Variants in MAPK8 observed in about 807,000 individuals in gnomAD.
MAPK8 encodes JUN N-terminal kinase.
A neutral mutation model predicts 52.9 loss-of-function variants in MAPK8; 13 were observed. The ratio of observed to expected loss-of-function variants is 0.25; its 90% confidence interval spans 0.16 to 0.39. MAPK8 has a LOEUF of 0.39. MAPK8 is among the 10% of genes least tolerant of loss of function. The pLI, the probability that MAPK8 is intolerant of heterozygous loss-of-function variation, is 1.00. For synonymous variants in MAPK8, 191 were observed against 169.8 expected, an observed-to-expected ratio of 1.12 and a Z score of -0.97; for missense variants, 300 against 519.2, an observed-to-expected ratio of 0.58 and a Z score of 4.10.
intron 1 of MAPK8, among the ~76,000 whole-genome samples, chr10:48,388,706 TGA>T (rs2041458999): frequency 6.6e-6 from 1 of 152,180 alleles, no homozygotes; most frequent in African/African-American, 2.4e-5. Context: ...TATGCCCAGG[TGA>T]GAATGGGAGT....
At chr10:48,310,185 C>CT (rs1841835402) in intron 1 of MAPK8, among the ~76,000 whole-genome samples, 11 of 152,168 alleles carry the variant, frequency 7.2e-5, no homozygotes, top group Admixed American at 7.2e-4. Flanking sequence ...AATTCTGGAG[C>CT]TTTAGGCAAG....
chr10:48,308,592 GT>G (rs1564459968), intron 1 of MAPK8, among the ~76,000 whole-genome samples: 1 of 152,048 alleles, frequency 6.6e-6, no homozygotes, highest in East Asian at 1.9e-4. Flanking sequence ...ATGTGTGTCC[GT>G]GTGTGTGCAT....
intron 10 of MAPK8, 61 bp from the exon 11 acceptor site, chr10:48,431,132 A>G (rs2044209487): frequency 2.9e-6 from 3 of 1,023,360 alleles, no homozygotes; most frequent in East Asian, 2.4e-5. Context: ...TAAACCATAC[A>G]TGCGTTGTGA....
intron 1 of MAPK8, among the ~76,000 whole-genome samples, chr10:48,400,085 G>A (rs1327090849): frequency 6.6e-6 from 1 of 152,180 alleles, no homozygotes; most frequent in African/African-American, 2.4e-5. Flanking sequence ...TCAGGTTATG[G>A]TAGGAAAATG....
chr10:48,391,060 C>A (rs1485497933), intron 1 of MAPK8, among the ~76,000 whole-genome samples: 1 of 151,898 alleles, frequency 6.6e-6, no homozygotes, highest in Non-Finnish European at 1.5e-5. Flanking sequence ...TGGATAGATA[C>A]AAAAGAGTGT....
chr10:48,343,373 T>C (rs1208864233), intron 1 of MAPK8, among the ~76,000 whole-genome samples: 2 of 152,180 alleles, frequency 1.3e-5, no homozygotes, highest in Admixed American at 6.5e-5. Flanking sequence ...AATCTCCCTC[T>C]GCTTCTCAGA....
chr10:48,361,483 A>G (rs974480884), intron 1 of MAPK8, among the ~76,000 whole-genome samples: 31 of 152,172 alleles, frequency 2.0e-4, no homozygotes, highest in Admixed American at 7.2e-4. Flanking sequence ...ACTGAACATG[A>G]ATTATTTCAG....
intron 10 of MAPK8, among the ~76,000 whole-genome samples, chr10:48,429,362 G>T (rs1206012182): frequency 1.3e-5 from 2 of 152,124 alleles, no homozygotes; most frequent in South Asian, 4.1e-4. Context: ...TATATTTGGG[G>T]GTTTTGATTG....
intron 1 of MAPK8, among the ~76,000 whole-genome samples, chr10:48,379,785 G>T (rs2040876855): frequency 6.6e-6 from 1 of 151,926 alleles, no homozygotes; most frequent in South Asian, 2.1e-4. Flanking sequence ...TCGAATTTTG[G>T]AAATTTTTAC....
rs2044898200 is a variant in MAPK8, at chr10:48,436,970, A to T, written c.*1941A>T. The T allele has an allele frequency of 6.6e-6, 1 of 152,228 alleles. No individual in the cohort carries two copies. Among genetic ancestry groups the T allele is most frequent in the African/African-American group, 2.4e-5 (1 of 41,460 alleles). The allele number at this position is 152,228 out of a possible 1,614,324, so 9.4% of individuals were successfully genotyped here. On this transcript the variant is annotated 3_prime_UTR_variant, in exon 12 of 12. Coordinates refer to ENST00000374189, the MANE Select transcript of MAPK8 (RefSeq NM_001323329.2). ...ATTAGCTGTATTTTCTGTAGCATAGATTATGTCACTGTTGCACTTTCACAG... is the reference window on the plus strand; with the variant it reads ...ATTAGCTGTATTTTCTGTAGCATAGTTTATGTCACTGTTGCACTTTCACAG...
intron 1 of MAPK8, among the ~76,000 whole-genome samples, chr10:48,386,650 T>C (rs752664103): frequency 2.6e-5 from 4 of 152,322 alleles, no homozygotes; most frequent in South Asian, 2.1e-4. Flanking sequence ...CCGTTACTTA[T>C]ATTTGTTATT....
At chr10:48,369,460 C>T (rs1490501385) in intron 1 of MAPK8, among the ~76,000 whole-genome samples, 3 of 151,996 alleles carry the variant, frequency 2.0e-5, no homozygotes, top group Non-Finnish European at 4.4e-5. Context: ...TTTTTGTGCA[C>T]GTGCAGAGTT....
chr10:48,365,469 C>T (rs547125324), intron 1 of MAPK8, among the ~76,000 whole-genome samples: 2 of 152,206 alleles, frequency 1.3e-5, no homozygotes, highest in East Asian at 1.9e-4. Context: ...TAGAAATTTT[C>T]GTATGCATTG....
chr10:48,334,887 C>T (rs1844529536), intron 1 of MAPK8, among the ~76,000 whole-genome samples: 1 of 152,180 alleles, frequency 6.6e-6, no homozygotes, highest in African/African-American at 2.4e-5. Context: ...ACGCAAGTCT[C>T]TCCCCCATTT....
intron 1 of MAPK8, among the ~76,000 whole-genome samples, chr10:48,310,648 A>G (rs1342478170): frequency 1.3e-5 from 2 of 152,164 alleles, no homozygotes; most frequent in Non-Finnish European, 2.9e-5. Context: ...TTTAAAAGGT[A>G]TATGAAAGGG....
chr10:48,367,193 G>A (rs1352367948), intron 1 of MAPK8, among the ~76,000 whole-genome samples: 1 of 151,958 alleles, frequency 6.6e-6, no homozygotes, highest in East Asian at 1.9e-4. Context: ...AACAGAATGA[G>A]ACCCCATCTA....
chr10:48,434,836 T>C, intron 11 of MAPK8, 48 bp from the exon 12 acceptor site: 1 of 1,539,784 alleles, frequency 6.5e-7, no homozygotes, highest in Non-Finnish European at 8.8e-7. Context: ...AGTAGCTTGA[T>C]CTGCAGCTGT....
chr10:48,410,758 C>T (rs548924688), intron 5 of MAPK8, among the ~76,000 whole-genome samples: 2 of 152,158 alleles, frequency 1.3e-5, no homozygotes, highest in African/African-American at 4.8e-5. Context: ...GCAGTGTATG[C>T]GGGTTCCAGT....
At chr10:48,384,044 G>A (rs186210876) in intron 1 of MAPK8, among the ~76,000 whole-genome samples, 21 of 152,278 alleles carry the variant, frequency 1.4e-4, no homozygotes, top group African/African-American at 4.3e-4. Context: ...ATCACTTGAG[G>A]TCAGTGAGAC....
Sources: gnomAD v4.1 joint callset for allele counts (sites outside exome capture counted in the v4.1 genomes callset) on GRCh38, gnomAD v4.1.1 for gene constraint, MANE v1.5 for transcripts, NCBI Gene and HGNC (gene_info 2026-07-23, HGNC 2026-07-21) for gene names.